The following GALNT2 variants were observed in gnomAD, a reference collection of about 807,000 sequenced individuals.
GALNT2 encodes polypeptide N-acetylgalactosaminyltransferase 2.
Under a neutral mutation model 81.4 loss-of-function variants are expected in GALNT2, and 31 were observed. The observed-to-expected ratio is 0.38, with a 90% CI of 0.29 to 0.51. The LOEUF (loss-of-function observed/expected upper bound fraction) is 0.51. Ranked by LOEUF, GALNT2 falls within the 20% of genes least tolerant of loss-of-function variation. The pLI is 0.87. For synonymous variants in GALNT2, 303 were observed against 287.4 expected (o/e 1.05, Z -0.55); for missense variants, 629 against 765.7 (o/e 0.82, Z 2.11).
chr1:230,128,701 G>A (rs1178593602), intron 1 of GALNT2, among the ~76,000 whole-genome samples: 1 of 152,192 alleles, frequency 6.6e-6, no homozygotes, highest in African/African-American at 2.4e-5. Context: ...AAGAGCCTGA[G>A]TGTTGGCTGG....
At chr1:230,137,128 A>T (rs34101984) in intron 1 of GALNT2, among the ~76,000 whole-genome samples, 6,434 of 151,864 alleles carry the variant, frequency 0.042, 196 homozygotes, top group Non-Finnish European at 0.065. Context: ...GACTGTTCCC[A>T]CCCCCGCCTG....
chr1:230,073,866 CAGAG>C (rs978223615), intron 1 of GALNT2, among the ~76,000 whole-genome samples: 1 of 152,162 alleles, frequency 6.6e-6, no homozygotes, highest in South Asian at 2.1e-4. Context: ...CCCCATGGAA[CAGAG>C]AGTCTCTCCT....
intron 1 of GALNT2, among the ~76,000 whole-genome samples, chr1:230,133,873 C>CT (rs1661448938): frequency 1.3e-5 from 2 of 152,092 alleles, no homozygotes; most frequent in South Asian, 4.1e-4. Flanking sequence ...AATTGCAACC[C>CT]TTTGTCTATT....
intron 3 of GALNT2, among the ~76,000 whole-genome samples, chr1:230,227,625 A>G (rs1202003229): frequency 1.3e-5 from 2 of 151,966 alleles, no homozygotes; most frequent in Non-Finnish European, 2.9e-5. Flanking sequence ...ATATCAGAAA[A>G]TAATGTAATA....
rs575635524 is a variant in GALNT2, at chr1:230,095,877, G to A, written c.126+28471G>A. Among the ~76,000 whole-genome samples, 9 of 152,370 alleles carry A rather than the reference G, an allele frequency of 5.9e-5. No individual in the cohort carries two copies. The South Asian group carries it at 1.9e-3, about 32-fold the overall frequency. On this transcript the variant is annotated intron_variant, in intron 1 of 15. Coordinates refer to ENST00000366672, the MANE Select transcript of GALNT2 (RefSeq NM_004481.5). Reference sequence around the variant, plus strand: ...CTGGAGGGTGAGACATGTTGGAGGGGAGGGAGGGAGAGGCCAAGGCCTCAG... The same window carrying A: ...CTGGAGGGTGAGACATGTTGGAGGGAAGGGAGGGAGAGGCCAAGGCCTCAG...
chr1:230,057,899 A>C (rs143308400), upstream of GALNT2: 163 of 376,626 alleles, frequency 4.3e-4, 1 homozygote, highest in African/African-American at 2.7e-3. Context: ...GGGAAGGGGC[A>C]TTGCTGGGGT....
chr1:230,264,088 AGATGGTCACCAGC>A (rs1472196957), intron 13 of GALNT2: 1 of 152,314 alleles, frequency 6.6e-6, no homozygotes, highest in Non-Finnish European at 1.5e-5. Context: ...TGAGAGCACC[AGATGGTCACCAGC>A]GATGGTCACC....
At chr1:230,098,321 A>G (rs539859349) in intron 1 of GALNT2, among the ~76,000 whole-genome samples, 7 of 152,034 alleles carry the variant, frequency 4.6e-5, no homozygotes, top group Middle Eastern at 3.4e-3. Flanking sequence ...TGAGCTCTAT[A>G]CTGTGGGATA....
At chr1:230,184,191 CTTTT>C (rs112931942) in intron 2 of GALNT2, among the ~76,000 whole-genome samples, 2 of 139,196 alleles carry the variant, frequency 1.4e-5, no homozygotes, top group Non-Finnish European at 1.6e-5. Flanking sequence ...GAAGATCAAT[CTTTT>C]TTTTTTTTTT....
chr1:230,084,444 A>C (rs60849080), intron 1 of GALNT2, among the ~76,000 whole-genome samples: 2,767 of 152,190 alleles, frequency 0.018, 86 homozygotes, highest in African/African-American at 0.063. Context: ...GGGCAACCAA[A>C]GGAGGAGGGC....
rs921408505 is a variant in GALNT2, at chr1:230,090,332, A to G, written c.126+22926A>G. On this transcript the variant is annotated intron_variant, in intron 1 of 15. Coordinates refer to ENST00000366672, the MANE Select transcript of GALNT2 (RefSeq NM_004481.5). ...CTGTGAGTCACTTATCTTCTGGGGG[A>G]AAATAAACATAACCGTGTCTTCCAG... Among the ~76,000 whole-genome samples the G allele has an allele frequency of 3.1e-4, 47 of 152,070 alleles. 1 individual carries two copies. The highest frequency in any genetic ancestry group is 7.4e-5 in the Non-Finnish European group (5 of 68,026).
intron 1 of GALNT2, chr1:230,091,892 T>A (rs1660095289): frequency 6.6e-6 from 1 of 152,282 alleles, no homozygotes; most frequent in Non-Finnish European, 1.5e-5. Flanking sequence ...GTCTAACCGG[T>A]TCCCTCAGGC....
At chr1:230,130,164 A>C (rs1391694201) in intron 1 of GALNT2, among the ~76,000 whole-genome samples, 1 of 152,208 alleles carries the variant, frequency 6.6e-6, no homozygotes, top group Non-Finnish European at 1.5e-5. Flanking sequence ...TCTCTCTGCT[A>C]TTTGAAGACC....
chr1:230,132,669 T>C (rs1365541458), intron 1 of GALNT2, among the ~76,000 whole-genome samples: 1 of 152,236 alleles, frequency 6.6e-6, no homozygotes, highest in Non-Finnish European at 1.5e-5. Flanking sequence ...TGTGCATTTC[T>C]TGAAGCAGGT....
intron 2 of GALNT2, among the ~76,000 whole-genome samples, chr1:230,184,825 C>T (rs1663269988): frequency 6.6e-6 from 1 of 152,068 alleles, no homozygotes; most frequent in Non-Finnish European, 1.5e-5. Context: ...AGTATTTCTC[C>T]TGTTCCTTTC....
chr1:230,073,639 CAT>C (rs1393513253), intron 1 of GALNT2, among the ~76,000 whole-genome samples: 1 of 152,226 alleles, frequency 6.6e-6, no homozygotes, highest in Non-Finnish European at 1.5e-5. Context: ...AAAACTGTCA[CAT>C]AGAGTCTCAC....
chr1:230,087,007 G>A (rs1475806499), intron 1 of GALNT2, among the ~76,000 whole-genome samples: 1 of 152,230 alleles, frequency 6.6e-6, no homozygotes, highest in Non-Finnish European at 1.5e-5. Flanking sequence ...ATGTTGCCTG[G>A]TGAGCACTTA....
chr1:230,221,814 A>G (rs1664554714), intron 3 of GALNT2, among the ~76,000 whole-genome samples: 1 of 152,050 alleles, frequency 6.6e-6, no homozygotes, highest in Non-Finnish European at 1.5e-5. Context: ...AATTTGATTT[A>G]TATCTTCCCA....
At chr1:230,119,338 T>C (rs1041862653) in intron 1 of GALNT2, among the ~76,000 whole-genome samples, 19 of 151,776 alleles carry the variant, frequency 1.3e-4, no homozygotes, top group Non-Finnish European at 4.4e-5. Flanking sequence ...CTCCGTGGGG[T>C]AGTTTTCCAT....
Sources: gnomAD v4.1 joint callset for allele counts (sites outside exome capture counted in the v4.1 genomes callset) on GRCh38, gnomAD v4.1.1 for gene constraint, MANE v1.5 for transcripts, NCBI Gene and HGNC (gene_info 2026-07-23, HGNC 2026-07-21) for gene names.